The following THSD7B variants were observed in gnomAD, a reference collection of about 807,000 sequenced individuals.
THSD7B encodes thrombospondin type 1 domain containing 7B.
Under a neutral mutation model 213.6 loss-of-function variants are expected in THSD7B, and 138 were observed. That is an observed-to-expected ratio of 0.65 (90% CI 0.56 to 0.74). The LOEUF (loss-of-function observed/expected upper bound fraction) is 0.74. Ranked by LOEUF, THSD7B falls within the 30% of genes least tolerant of loss-of-function variation. THSD7B has a pLI of 0.00. For synonymous variants in THSD7B, 742 were observed against 687.0 expected (o/e 1.08, Z -1.25); for missense variants, 1,931 against 1,991.5 (o/e 0.97, Z 0.58).
intron 1 of THSD7B, among the ~76,000 whole-genome samples, chr2:136,851,179 T>C (rs1391627979): frequency 6.6e-6 from 1 of 152,144 alleles, no homozygotes; most frequent in Non-Finnish European, 1.5e-5. Context: ...TTCTTTTCAT[T>C]TGAGGATTCG....
intron 2 of THSD7B, among the ~76,000 whole-genome samples, chr2:137,013,306 G>A (rs1383332093): frequency 1.3e-5 from 2 of 152,184 alleles, no homozygotes; most frequent in African/African-American, 4.8e-5. Context: ...CCTGAGAGAT[G>A]TAATGAGGTG....
At position 137,396,951 on chromosome 2, in the gene THSD7B, T is replaced by C. The variant is rs1259234320; in HGVS notation, c.2501-8662T>C. The stretch of plus-strand genomic sequence containing the variant: ...CTTTGTCTCTTTTGATCTTTGTTGG[T>C]TTTAAGTCTGTTTTATCAGAGACGA... On this transcript the variant is annotated intron_variant, in intron 12 of 27. Transcript: ENST00000409968. Among the ~76,000 whole-genome samples the C allele has an allele frequency of 2.1e-5, 3 of 141,836 alleles. 1 individual carries two copies. The highest frequency in any genetic ancestry group is 7.8e-5 in the African/African-American group (3 of 38,548). 93.0% of individuals were successfully genotyped at this position (141,836 alleles called of 152,430 possible).
At chr2:137,214,300 C>G (rs1681184841) in intron 7 of THSD7B, among the ~76,000 whole-genome samples, 1 of 152,092 alleles carries the variant, frequency 6.6e-6, no homozygotes, top group South Asian at 2.1e-4. Flanking sequence ...TTGCTGACAT[C>G]AGATACCTTT....
intron 15 of THSD7B, among the ~76,000 whole-genome samples, chr2:137,561,711 T>A (rs1372277012): frequency 6.6e-6 from 1 of 152,136 alleles, no homozygotes; most frequent in African/African-American, 2.4e-5. Context: ...ACATCTACTA[T>A]CCTATGACTG....
intron 2 of THSD7B, among the ~76,000 whole-genome samples, chr2:136,991,545 A>G (rs933399345): frequency 6.6e-6 from 1 of 152,000 alleles, no homozygotes; most frequent in Non-Finnish European, 1.5e-5. Context: ...CTGAAGCTAT[A>G]TTGCTTGGGT....
chr2:137,449,773 T>G (rs1687611547), intron 14 of THSD7B, among the ~76,000 whole-genome samples: 1 of 152,152 alleles, frequency 6.6e-6, no homozygotes, highest in African/African-American at 2.4e-5. Context: ...CAGTCCTCTT[T>G]TAAGGCTTTT....
At chr2:137,217,524 C>T (rs1396693030) in intron 7 of THSD7B, among the ~76,000 whole-genome samples, 2 of 152,120 alleles carry the variant, frequency 1.3e-5, no homozygotes, top group African/African-American at 4.8e-5. Flanking sequence ...CACCTAGAGA[C>T]ACCCAACTTA....
At chr2:137,023,634 T>C (rs938462473) in intron 2 of THSD7B, among the ~76,000 whole-genome samples, 1 of 152,142 alleles carries the variant, frequency 6.6e-6, no homozygotes, top group Admixed American at 6.5e-5. Context: ...TTCAGTAGTT[T>C]TACTATTAAA....
intron 2 of THSD7B, among the ~76,000 whole-genome samples, chr2:137,019,240 A>G (rs541059553): frequency 1.3e-5 from 2 of 152,076 alleles, no homozygotes; most frequent in South Asian, 2.1e-4. Flanking sequence ...GAGTTACTGT[A>G]TTTTTCTGTA....
intron 9 of THSD7B, 27 bp downstream of exon 9, chr2:137,233,160 G>T (rs1163621239): frequency 3.2e-6 from 5 of 1,578,854 alleles, no homozygotes; most frequent in African/African-American, 2.7e-5. Context: ...TACTGAAAAT[G>T]CATTTGCTTA....
At chr2:137,454,454 CTATCTATCTATCTATCTATCTATG>C (rs1421188580) in intron 15 of THSD7B, among the ~76,000 whole-genome samples, 5 of 151,796 alleles carry the variant, frequency 3.3e-5, no homozygotes, top group Admixed American at 3.3e-4. Flanking sequence ...ATCTATCTAT[CTATCTATCTATCTATCTATCTATG>C]TGTGTGTGTG....
intron 2 of THSD7B, among the ~76,000 whole-genome samples, chr2:136,968,754 G>A (rs1187645276): frequency 6.6e-6 from 1 of 151,892 alleles, no homozygotes; most frequent in Non-Finnish European, 1.5e-5. Context: ...GTCCATTTTT[G>A]ATATTTGTTT....
chr2:137,096,281 A>G (rs1688037153), intron 4 of THSD7B, among the ~76,000 whole-genome samples: 1 of 152,194 alleles, frequency 6.6e-6, no homozygotes, highest in Non-Finnish European at 1.5e-5. Flanking sequence ...AGTAAGAAAA[A>G]AATAGTTTTC....
chr2:136,982,411 A>C (rs920354533), intron 2 of THSD7B, among the ~76,000 whole-genome samples: 28 of 151,918 alleles, frequency 1.8e-4, no homozygotes, highest in African/African-American at 6.8e-4. Context: ...GGATCCTCCT[A>C]TCTCGGCCTC....
At chr2:137,399,675 A>AT (rs529861430) in intron 12 of THSD7B, among the ~76,000 whole-genome samples, 75 of 151,772 alleles carry the variant, frequency 4.9e-4, no homozygotes, top group African/African-American at 1.7e-3. Context: ...TATCAGGGTG[A>AT]TTTTTTTCTT....
rs531198014 is a variant in THSD7B at position 137,228,632 on chromosome 2, C to T, written c.1724-2412C>T. On this transcript the variant is annotated intron_variant, in intron 7 of 27. Transcript: ENST00000409968. ...TCCTACCTAACCTTTGCTGATCCTT[C>T]CAACGCCTGAAATACCCTCCATCCT... Among the ~76,000 whole-genome samples, 14 of 152,290 alleles carry T rather than the reference C, an allele frequency of 9.2e-5. No homozygotes were observed. The South Asian group carries it at 2.5e-3, about 27-fold the overall frequency.
intron 15 of THSD7B, among the ~76,000 whole-genome samples, chr2:137,561,888 A>G (rs959518887): frequency 3.3e-5 from 5 of 152,016 alleles, no homozygotes; most frequent in South Asian, 2.1e-4. Flanking sequence ...CTATTTTCCC[A>G]TCTTTCATTT....
intron 20 of THSD7B, among the ~76,000 whole-genome samples, chr2:137,633,356 A>T (rs1478802279): frequency 6.6e-6 from 1 of 152,154 alleles, no homozygotes; most frequent in African/African-American, 2.4e-5. Flanking sequence ...GTCATAGGAG[A>T]AAGGTGTTAG....
rs748551585 is a variant in THSD7B at position 137,412,597 on chromosome 2, C to CAAAAAAAAA, written c.2959+730_2959+738dup. Among the ~76,000 whole-genome samples, 20 of 24,074 alleles carry CAAAAAAAAA rather than the reference C, an allele frequency of 8.3e-4. 4 individuals are homozygous for CAAAAAAAAA. Among genetic ancestry groups the CAAAAAAAAA allele is most frequent in the Non-Finnish European group, 1.1e-3 (12 of 11,246 alleles). The allele number at this position is 24,074 out of a possible 152,430, so 15.8% of individuals were successfully genotyped here. On this transcript the variant is annotated intron_variant, in intron 14 of 27. Coordinates refer to ENST00000409968, the MANE Select transcript of THSD7B (RefSeq NM_001316349.2). ...GGGCAACGAGAGCAAAACTCTGTCT[C>CAAAAAAAAA]AAAAAAAAAAAAACAAAAAAAAACA...
Sources: allele counts gnomAD v4.1 joint callset (sites outside exome capture counted in the v4.1 genomes callset), GRCh38; gene constraint gnomAD v4.1.1; transcripts MANE v1.5; gene names NCBI Gene and HGNC (gene_info 2026-07-23, HGNC 2026-07-21).